BRD8: variants seen among roughly 807,000 people sequenced by gnomAD.
BRD8 encodes the protein bromodomain containing 8, also known as bromodomain-containing protein 8.
Under a neutral mutation model 143.1 loss-of-function variants are expected in BRD8, and 67 were observed. That is an observed-to-expected ratio of 0.47 (90% CI 0.38 to 0.57). The LOEUF is 0.57. Ranked by LOEUF, BRD8 falls within the 20% of genes least tolerant of loss-of-function variation. BRD8 has a pLI of 0.00. For missense variants in BRD8, 1,103 were observed against 1,503.0 expected (o/e 0.73, Z 4.40); for synonymous variants, 505 against 517.1 (o/e 0.98, Z 0.32).
At chr5:138,145,975 T>C in intron 23 of BRD8, 97 bp from the exon 24 acceptor site, 1 of 870,676 alleles carries the variant, frequency 1.1e-6, no homozygotes, top group Non-Finnish European at 1.8e-6. Context: ...GACATGCTCC[T>C]AATTAATATC....
intron 14 of BRD8, chr5:138,163,759 C>T (rs756958646): frequency 9.4e-6 from 7 of 746,768 alleles, no homozygotes; most frequent in Non-Finnish European, 1.4e-5. Context: ...AAAAAGAAAA[C>T]TCTGGATGAT....
intron 12 of BRD8, 23 bp from the exon 13 acceptor site, chr5:138,164,436 C>T: frequency 6.3e-7 from 1 of 1,598,614 alleles, no homozygotes; most frequent in African/African-American, 1.3e-5. Context: ...AAAGAAAAAA[C>T]ACCCTAAGTA....
At chr5:138,157,031 C>T in intron 20 of BRD8, 1 of 1,455,540 alleles carries the variant, frequency 6.9e-7, no homozygotes. Context: ...TGGTTTCTGC[C>T]CTAAAACAGG....
intron 3 of BRD8, 102 bp downstream of exon 3, chr5:138,171,963 C>T (rs985778887): frequency 5.9e-5 from 51 of 864,662 alleles, no homozygotes; most frequent in Non-Finnish European, 8.7e-5. Flanking sequence ...TATTTTCCCA[C>T]ATCATGGTAT....
intron 15 of BRD8, 27 bp from the exon 16 acceptor site, chr5:138,162,173 T>C (rs1235118978): frequency 6.7e-7 from 1 of 1,496,502 alleles, no homozygotes; most frequent in Admixed American, 2.0e-5. Context: ...GCAATTCCAC[T>C]AGGCACAAGT....
chr5:138,155,437 G>A, intron 20 of BRD8, among the ~76,000 whole-genome samples: 1 of 146,342 alleles, frequency 6.8e-6, no homozygotes, highest in East Asian at 2.1e-4. Flanking sequence ...CAACGAGAGT[G>A]AAACTCCGAA....
intron 21 of BRD8, 134 bp from the exon 22 acceptor site, chr5:138,151,142 A>T: frequency 8.2e-7 from 1 of 1,213,056 alleles, no homozygotes; most frequent in Non-Finnish European, 1.1e-6. Flanking sequence ...TAATACAATC[A>T]TCTAAAATCT....
intron 20 of BRD8, among the ~76,000 whole-genome samples, chr5:138,156,144 A>AT (rs34113515): frequency 0.43 from 60,292 of 140,976 alleles, 14,211 homozygotes; most frequent in South Asian, 0.65. Flanking sequence ...GTGTTGGGCT[A>AT]TTTTTTTTTT....
At chr5:138,156,761 T>TTTTC in intron 20 of BRD8, 1 of 891,298 alleles carries the variant, frequency 1.1e-6, no homozygotes, top group Non-Finnish European at 1.3e-6. Flanking sequence ...TTCATAAGAC[T>TTTTC]TTTCCCCTGT....
intron 24 of BRD8, among the ~76,000 whole-genome samples, chr5:138,145,497 G>GA (rs1752113266): frequency 6.6e-6 from 1 of 152,060 alleles, no homozygotes; most frequent in African/African-American, 2.4e-5. Flanking sequence ...CTGTCTCTGT[G>GA]AAAAAAGAGA....
In BRD8 at chr5:138,143,715, G is replaced by A. The variant is rs764184100; in HGVS notation, c.3437+1462C>T. Among the ~76,000 whole-genome samples the A allele has an allele frequency of 5.3e-4, 81 of 151,776 alleles. 1 individual carries two copies. Among genetic ancestry groups the A allele is most frequent in the Admixed American group, 9.9e-4 (15 of 15,200 alleles). On this transcript the variant is annotated intron_variant, in intron 25 of 26. Transcript: ENST00000254900. ...AACATTTGTAAATGCACCAATCAGC[G>A]CTCTGTGTCTAGCTAAAGCTTTGTA...
At chr5:138,160,222 G>T in intron 18 of BRD8, 49 bp from the exon 19 acceptor site, 2 of 1,263,520 alleles carry the variant, frequency 1.6e-6, no homozygotes, top group Non-Finnish European at 2.3e-6. Context: ...ATTTAGTAGG[G>T]ACAAATTAAG....
intron 14 of BRD8, chr5:138,163,550 G>C: frequency 6.8e-7 from 1 of 1,461,676 alleles, no homozygotes; most frequent in Non-Finnish European, 9.1e-7. Context: ...TAATACCCAG[G>C]ATCTTTTAAA....
intron 26 of BRD8, 109 bp downstream of exon 26, chr5:138,140,596 T>C: frequency 1.5e-6 from 2 of 1,299,592 alleles, no homozygotes; most frequent in Non-Finnish European, 2.2e-6. Context: ...AGGGCCTTAA[T>C]CACCTTTAAA....
At chr5:138,157,390 G>A in intron 20 of BRD8, 2 of 1,235,922 alleles carry the variant, frequency 1.6e-6, no homozygotes, top group Non-Finnish European at 1.1e-6. Flanking sequence ...GAAAAATCCA[G>A]AGGGATGAGG....
rs114102267 is a variant in BRD8, at chr5:138,161,449, G to A, written c.2249+347C>T. ...TCCCACCTCAGCCTCCCAGGTAGTT[G>A]GGACTACAAATGCGCGACACCACAC... On this transcript the variant is annotated intron_variant, in intron 17 of 26. Transcript: ENST00000254900. 5.1e-3 allele frequency among the ~76,000 whole-genome samples: 782 copies of A among 152,138 alleles called. 7 individuals carry two copies. The highest frequency in any genetic ancestry group is 0.017 in the African/African-American group (702 of 41,528).
Position 138,163,297 on chromosome 5 carries a change from G to C in BRD8, c.1920C>G (p.Ala640=). 1.2e-6 allele frequency: 2 copies of C among 1,614,118 alleles called. No individual in the cohort carries two copies. Among genetic ancestry groups the C allele is most frequent in the Non-Finnish European group, 1.7e-6 (2 of 1,180,006 alleles). Residue 640 remains alanine (A), a synonymous_variant, in exon 15 of 27, where the codon GCC becomes GCG. Transcript: ENST00000254900. ...CCTCTTCCTTAGGCTCCTCTAGGCT[G>C]GCCGCTTCACTGACACCATCTTCCT... ...DEEEDGVSEA[A]SLEEPKEEDQ...
intron 3 of BRD8, among the ~76,000 whole-genome samples, chr5:138,171,800 G>A (rs1753885566): frequency 6.6e-6 from 1 of 152,088 alleles, no homozygotes. Context: ...AGAGGATCAT[G>A]GCCCAAAGTT....
chr5:138,155,345 A>C (rs1218375680), intron 20 of BRD8, among the ~76,000 whole-genome samples: 1 of 150,886 alleles, frequency 6.6e-6, no homozygotes, highest in African/African-American at 2.4e-5. Flanking sequence ...GCTACTCGGG[A>C]GGCTAAGGCA....
Sources: gnomAD v4.1 joint callset for allele counts (sites outside exome capture counted in the v4.1 genomes callset) on GRCh38, gnomAD v4.1.1 for gene constraint, MANE v1.5 for transcripts, NCBI Gene and HGNC (gene_info 2026-07-23, HGNC 2026-07-21) for gene names.